SRGAP3: variants seen among roughly 807,000 people sequenced by gnomAD.
The protein encoded by SRGAP3 is SLIT-ROBO Rho GTPase-activating protein 3.
Under a neutral mutation model 121.1 loss-of-function variants are expected in SRGAP3, and 39 were observed. The ratio of observed to expected loss-of-function variants is 0.32; its 90% CI spans 0.25 to 0.42. The LOEUF (loss-of-function observed/expected upper bound fraction) is 0.42. Ranked by LOEUF, SRGAP3 falls within the 10% of genes least tolerant of loss-of-function variation. SRGAP3 has a pLI of 1.00. For synonymous variants in SRGAP3, 601 were observed against 570.0 expected (o/e 1.05, Z -0.77); for missense variants, 1,213 against 1,470.6 (o/e 0.82, Z 2.86).
intron 1 of SRGAP3, among the ~76,000 whole-genome samples, chr3:9,204,120 A>G (rs1952177785): frequency 6.6e-6 from 1 of 152,244 alleles, no homozygotes. Context: ...CAGTGAATGA[A>G]TGAAACCATC....
intron 3 of SRGAP3, among the ~76,000 whole-genome samples, chr3:9,300,413 G>A (rs555165434): frequency 1.0e-3 from 157 of 151,702 alleles, no homozygotes; most frequent in Admixed American, 1.8e-3. Flanking sequence ...CTTCTGTGAC[G>A]CTTCCTCACA....
chr3:9,208,071 G>A (rs1318154668), intron 1 of SRGAP3, among the ~76,000 whole-genome samples: 1 of 151,990 alleles, frequency 6.6e-6, no homozygotes, highest in African/African-American at 2.4e-5. Context: ...TCCTTTGAGT[G>A]CAGGGCCCGC....
intron 2 of SRGAP3, among the ~76,000 whole-genome samples, chr3:9,107,361 G>T (rs891709061): frequency 6.6e-6 from 1 of 152,236 alleles, no homozygotes; most frequent in Non-Finnish European, 1.5e-5. Context: ...AGAGACATAC[G>T]CAGAGCATCA....
intron 1 of SRGAP3, among the ~76,000 whole-genome samples, chr3:9,230,313 ATACCAACAACTG>A (rs1559228824): frequency 6.6e-6 from 1 of 152,212 alleles, no homozygotes; most frequent in Admixed American, 6.5e-5. Context: ...GGTCAGTTCA[ATACCAACAACTG>A]TGTTCCCAAT....
At chr3:9,012,344 C>G (rs1002320979) in intron 17 of SRGAP3, among the ~76,000 whole-genome samples, 4 of 152,192 alleles carry the variant, frequency 2.6e-5, no homozygotes, top group Admixed American at 2.6e-4. Flanking sequence ...GTGTGCTCTC[C>G]TGAATTGGAA....
At position 9,209,712 on chromosome 3, in the gene SRGAP3, A is replaced by G. The variant is rs79225297; in HGVS notation, c.67+39173T>C. On this transcript the variant is annotated intron_variant, in intron 1 of 21. Coordinates refer to ENST00000383836, the MANE Select transcript of SRGAP3 (RefSeq NM_014850.4). ...TAAAGCATTATTTATATCATCCCAA[A>G]AAGTTGAAAACCAAGTAAATTGCCA... Among the ~76,000 whole-genome samples the G allele has an allele frequency of 2.1e-4, 32 of 152,386 alleles. 1 individual carries two copies. The East Asian group carries it at 6.2e-3, about 29-fold the overall frequency.
At chr3:9,344,581 C>A (rs1005318012) in intron 1 of SRGAP3, among the ~76,000 whole-genome samples, 6 of 150,526 alleles carry the variant, frequency 4.0e-5, no homozygotes, top group Non-Finnish European at 8.9e-5. Context: ...TGCAGTGAGC[C>A]GAGATCACAC....
At chr3:9,086,529 A>C (rs1030465778) in intron 3 of SRGAP3, among the ~76,000 whole-genome samples, 18 of 151,210 alleles carry the variant, frequency 1.2e-4, no homozygotes, top group Admixed American at 2.0e-4. Flanking sequence ...AAAAAAAAAA[A>C]AAAAAAAAAC....
chr3:9,250,322 C>T (rs1212821273), upstream of SRGAP3, among the ~76,000 whole-genome samples: 1 of 152,136 alleles, frequency 6.6e-6, no homozygotes, highest in African/African-American at 2.4e-5. Flanking sequence ...CACAAAAATC[C>T]CTGACCTTCT....
chr3:9,108,647 G>A (rs904591878), intron 2 of SRGAP3, among the ~76,000 whole-genome samples: 1 of 152,170 alleles, frequency 6.6e-6, no homozygotes, highest in African/African-American at 2.4e-5. Flanking sequence ...GCTATGGGCA[G>A]TGGGGAGTCA....
intron 1 of SRGAP3, among the ~76,000 whole-genome samples, chr3:9,234,492 G>C (rs942173847): frequency 2.0e-5 from 3 of 152,132 alleles, no homozygotes; most frequent in African/African-American, 7.2e-5. Flanking sequence ...TCATTGGTAA[G>C]AGTCTTCTCA....
chr3:9,210,118 G>A (rs567767966), intron 1 of SRGAP3, among the ~76,000 whole-genome samples: 12 of 152,268 alleles, frequency 7.9e-5, no homozygotes, highest in Non-Finnish European at 1.5e-4. Flanking sequence ...TATAGAGGCA[G>A]AAAATAGACT....
At chr3:8,997,846 C>T (rs1942501732) in intron 18 of SRGAP3, among the ~76,000 whole-genome samples, 2 of 151,436 alleles carry the variant, frequency 1.3e-5, no homozygotes, top group Non-Finnish European at 1.5e-5. Flanking sequence ...TATACTTTAT[C>T]TCTAAACACT....
chr3:9,097,248 C>T (rs904936517), intron 3 of SRGAP3, among the ~76,000 whole-genome samples: 1 of 151,926 alleles, frequency 6.6e-6, no homozygotes, highest in Admixed American at 6.6e-5. Context: ...ACCTTGGCCT[C>T]CCAAAGCTCT....
intron 1 of SRGAP3, among the ~76,000 whole-genome samples, chr3:9,188,632 G>C (rs538033481): frequency 6.6e-6 from 1 of 152,246 alleles, no homozygotes; most frequent in Non-Finnish European, 1.5e-5. Flanking sequence ...AGAAAGCTCA[G>C]AGCAACCTGA....
Position 9,277,556 on chromosome 3 carries a change from C to T in SRGAP3, n.442+48454G>A, listed in dbSNP as rs746804996. Among the ~76,000 whole-genome samples the T allele has an allele frequency of 2.1e-5, 3 of 140,260 alleles. No homozygotes were observed. The East Asian group carries it at 6.2e-4, about 29-fold the overall frequency. 92.0% of individuals were successfully genotyped at this position (140,260 alleles called of 152,430 possible). On this transcript the variant is annotated intron_variant and non_coding_transcript_variant, in intron 3 of 3. Coordinates refer to the SRGAP3 transcript ENST00000490889. ...CCGGGAGGCGGAGGTTGCAGTGAAC[C>T]GAGATCACACCACTGCACTCTAGCC...
intron 3 of SRGAP3, among the ~76,000 whole-genome samples, chr3:9,278,736 T>C (rs1954626961): frequency 6.6e-6 from 1 of 152,162 alleles, no homozygotes; most frequent in Admixed American, 6.5e-5. Flanking sequence ...AACCTTGGTG[T>C]CCTCGTGAAT....
intron 1 of SRGAP3, among the ~76,000 whole-genome samples, chr3:9,199,849 T>C (rs991482087): frequency 6.6e-6 from 1 of 152,210 alleles, no homozygotes; most frequent in Non-Finnish European, 1.5e-5. Flanking sequence ...TACAAACACA[T>C]GGTCTCTGTC....
intron 8 of SRGAP3, among the ~76,000 whole-genome samples, 197 bp from the exon 9 acceptor site, chr3:9,053,421 G>A (rs969324850): frequency 4.6e-5 from 7 of 152,196 alleles, no homozygotes; most frequent in Non-Finnish European, 7.3e-5. Context: ...CAGCTGGCTG[G>A]GATGAAAAGC....
Sources: gnomAD v4.1 joint callset for allele counts (sites outside exome capture counted in the v4.1 genomes callset) on GRCh38, gnomAD v4.1.1 for gene constraint, MANE v1.5 for transcripts, NCBI Gene and HGNC (gene_info 2026-07-23, HGNC 2026-07-21) for gene names.